The following NTNG1 variants were observed in gnomAD, a reference collection of about 807,000 sequenced individuals.
NTNG1 encodes netrin-G1.
In NTNG1, 16 loss-of-function variants were observed where a neutral mutation model predicts 54.0. The ratio of observed to expected loss-of-function variants is 0.30; its 90% CI spans 0.20 to 0.45. NTNG1 has a LOEUF of 0.45. Among genes scored for constraint, NTNG1 ranks in the 20% least tolerant of loss-of-function variants. The pLI is 1.00. For missense variants in NTNG1, 530 were observed against 678.7 expected, an observed-to-expected ratio of 0.78 and a Z score of 2.43; for synonymous variants, 255 against 263.1, an observed-to-expected ratio of 0.97 and a Z score of 0.30.
intron 2 of NTNG1, among the ~76,000 whole-genome samples, chr1:107,314,031 A>G (rs1667182692): frequency 6.6e-6 from 1 of 152,200 alleles, no homozygotes; most frequent in Non-Finnish European, 1.5e-5. Flanking sequence ...ATTTTAAAAA[A>G]TTATTCTTTA....
chr1:107,150,600 C>G (rs779979780), intron 2 of NTNG1, among the ~76,000 whole-genome samples: 1 of 152,104 alleles, frequency 6.6e-6, no homozygotes, highest in Non-Finnish European at 1.5e-5. Context: ...AGCAAATTTC[C>G]TTTCTCAGGG....
intron 7 of NTNG1, among the ~76,000 whole-genome samples, chr1:107,471,139 T>A (rs1413177533): frequency 6.6e-6 from 1 of 152,056 alleles, no homozygotes; most frequent in African/African-American, 2.4e-5. Flanking sequence ...ATTAGATGAG[T>A]AAGAATAGAA....
chr1:107,336,622 G>A (rs1668595069), intron 3 of NTNG1, among the ~76,000 whole-genome samples: 1 of 151,948 alleles, frequency 6.6e-6, no homozygotes, highest in Admixed American at 6.6e-5. Context: ...AAATGGGTAA[G>A]TTGAACGTCA....
At chr1:107,151,521 G>A (rs1437765209) in intron 2 of NTNG1, among the ~76,000 whole-genome samples, 1 of 152,158 alleles carries the variant, frequency 6.6e-6, no homozygotes, top group Non-Finnish European at 1.5e-5. Flanking sequence ...GCCCCTATAT[G>A]TAAATGTTTG....
chr1:107,462,171 A>G (rs1209608503), intron 7 of NTNG1, among the ~76,000 whole-genome samples: 1 of 152,212 alleles, frequency 6.6e-6, no homozygotes, highest in Non-Finnish European at 1.5e-5. Flanking sequence ...CCCTTGCCAC[A>G]TGGATGCCTT....
chr1:107,344,348 T>C (rs1193152188), intron 3 of NTNG1, among the ~76,000 whole-genome samples: 2 of 152,164 alleles, frequency 1.3e-5, no homozygotes, highest in Non-Finnish European at 2.9e-5. Flanking sequence ...TTTTTTTGTT[T>C]GTTGTTTTGT....
intron 3 of NTNG1, among the ~76,000 whole-genome samples, chr1:107,366,287 A>G (rs1670588190): frequency 6.6e-6 from 1 of 152,216 alleles, no homozygotes; most frequent in South Asian, 2.1e-4. Context: ...CTGCTATGGA[A>G]TACTACCTAC....
chr1:107,427,668 A>G (rs143496466), intron 5 of NTNG1, among the ~76,000 whole-genome samples: 1 of 152,252 alleles, frequency 6.6e-6, no homozygotes, highest in East Asian at 1.9e-4. Context: ...GTCTCAGAAG[A>G]GTACTAGAAG....
At chr1:107,289,604 A>G (rs991421687) in intron 2 of NTNG1, among the ~76,000 whole-genome samples, 3 of 152,112 alleles carry the variant, frequency 2.0e-5, no homozygotes, top group African/African-American at 7.2e-5. Context: ...GTCTTTCTTC[A>G]ACCCTAGCCC....
chr1:107,176,682 TAC>T (rs1175219227), intron 2 of NTNG1, among the ~76,000 whole-genome samples: 13 of 152,198 alleles, frequency 8.5e-5, no homozygotes, highest in Non-Finnish European at 1.8e-4. Context: ...TGTGATTTTT[TAC>T]AATCTGTATT....
intron 2 of NTNG1, among the ~76,000 whole-genome samples, chr1:107,314,397 C>CAATAAATA (rs149611674): frequency 6.6e-6 from 1 of 150,726 alleles, no homozygotes; most frequent in African/African-American, 2.5e-5. Flanking sequence ...GAATCCGTCT[C>CAATAAATA]AATAAATAAA....
chr1:107,240,341 A>G (rs1378106845), intron 2 of NTNG1, among the ~76,000 whole-genome samples: 1 of 151,060 alleles, frequency 6.6e-6, no homozygotes, highest in Non-Finnish European at 1.5e-5. Context: ...ACTTCACACT[A>G]GCAGTAAATG....
intron 3 of NTNG1, among the ~76,000 whole-genome samples, chr1:107,353,087 A>G (rs1241597034): frequency 2.0e-5 from 3 of 152,234 alleles, no homozygotes; most frequent in Admixed American, 6.5e-5. Context: ...CTTGGATATT[A>G]ACATTTGCAT....
intron 2 of NTNG1, among the ~76,000 whole-genome samples, chr1:107,197,933 A>G (rs1210981227): frequency 6.6e-6 from 1 of 152,044 alleles, no homozygotes; most frequent in Non-Finnish European, 1.5e-5. Flanking sequence ...ATGTGATTAT[A>G]CAAAAATAAT....
chr1:107,285,328 A>G (rs974627463), intron 2 of NTNG1, among the ~76,000 whole-genome samples: 4 of 152,134 alleles, frequency 2.6e-5, no homozygotes, highest in Admixed American at 1.3e-4. Flanking sequence ...ATGGTTACTG[A>G]TGATGAATCA....
intron 2 of NTNG1, among the ~76,000 whole-genome samples, chr1:107,270,732 C>T (rs934027588): frequency 2.7e-5 from 4 of 147,560 alleles, no homozygotes; most frequent in East Asian, 2.0e-4. Flanking sequence ...ACCCCCAACC[C>T]GCCAAAGTGC....
intron 2 of NTNG1, among the ~76,000 whole-genome samples, chr1:107,181,788 C>T (rs1052265957): frequency 2.0e-5 from 3 of 152,148 alleles, no homozygotes; most frequent in South Asian, 2.1e-4. Context: ...TTGTGACACA[C>T]GGTGCTTAAA....
At chr1:107,417,777 A>G (rs749339525) in intron 5 of NTNG1, among the ~76,000 whole-genome samples, 2 of 152,110 alleles carry the variant, frequency 1.3e-5, no homozygotes, top group African/African-American at 2.4e-5. Flanking sequence ...AGTCATGCCC[A>G]TGCACCTTCA....
intron 2 of NTNG1, among the ~76,000 whole-genome samples, chr1:107,284,148 TC>T (rs1430634331): frequency 6.6e-6 from 1 of 152,156 alleles, no homozygotes; most frequent in Non-Finnish European, 1.5e-5. Context: ...CAGTGTACCA[TC>T]ATAGTGGCTA....
Sources: gnomAD v4.1 joint callset for allele counts (sites outside exome capture counted in the v4.1 genomes callset) on GRCh38, gnomAD v4.1.1 for gene constraint, MANE v1.5 for transcripts, NCBI Gene and HGNC (gene_info 2026-07-23, HGNC 2026-07-21) for gene names.